Variants in FAM193A observed in about 807,000 individuals in gnomAD.
The protein encoded by FAM193A is family with sequence similarity 193 member A, also known as protein FAM193A.
FAM193A carries 22 observed loss-of-function variants against 126.5 expected under a neutral mutation model. The ratio of observed to expected loss-of-function variants is 0.17; its 90% CI spans 0.12 to 0.25. The LOEUF is 0.25. FAM193A is among the 10% of genes least tolerant of loss of function. The probability of loss-of-function intolerance (pLI) is 1.00; values close to 1 mark genes in which losing one functional copy is unlikely to be tolerated. For missense variants in FAM193A, 1,675 were observed against 1,672.8 expected, an observed-to-expected ratio of 1.00 and a Z score of -0.02; for synonymous variants, 761 against 646.8, an observed-to-expected ratio of 1.18 and a Z score of -2.68.
chr4:2,630,730 C>T (rs1375924646), intron 4 of FAM193A, among the ~76,000 whole-genome samples: 2 of 152,230 alleles, frequency 1.3e-5, no homozygotes, highest in Non-Finnish European at 2.9e-5. Flanking sequence ...ATGTCACTTG[C>T]TGTTCCCTAG....
intron 1 of FAM193A, among the ~76,000 whole-genome samples, chr4:2,548,369 C>T (rs1737700167): frequency 6.6e-6 from 1 of 152,080 alleles, no homozygotes; most frequent in Non-Finnish European, 1.5e-5. Flanking sequence ...CCATGCCCGG[C>T]CTACTTTGCC....
In FAM193A at chr4:2,653,532, C is replaced by G. The variant is rs540597654; in HGVS notation, c.1312-4271C>G. On this transcript the variant is annotated intron_variant, in intron 7 of 20. Transcript: ENST00000637812. ...GATCTTGGCTCACTGCAACCTCTGCCTCCTGGGTTCAAGCAATTCTCCTGC... is the reference window on the plus strand; with the variant it reads ...GATCTTGGCTCACTGCAACCTCTGCGTCCTGGGTTCAAGCAATTCTCCTGC... Among the ~76,000 whole-genome samples, 11 of 152,186 alleles carry G rather than the reference C, an allele frequency of 7.2e-5. No homozygotes were observed. The South Asian group carries it at 1.0e-3, about 14-fold the overall frequency.
Position 2,700,342 on chromosome 4 carries a change from G to A in FAM193A, c.4170G>A (p.Glu1390=). ...CCATCACAGAGCAGAAAAGAGAGGA[G>A]AGAAAAGTCAACAGTAATAACAATA... ...LMSITEQKRE[E]RKVNSNNNNK... The change falls in exon 19 of 21, where the codon GAG becomes GAA. Residue 1390 remains glutamate (E), a synonymous_variant. Coordinates refer to ENST00000637812, the MANE Select transcript of FAM193A (RefSeq NM_001366318.2). The A allele has an allele frequency of 1.2e-6, 2 of 1,614,046 alleles. No homozygotes were observed. Among genetic ancestry groups the A allele is most frequent in the Non-Finnish European group, 1.7e-6 (2 of 1,180,014 alleles).
intron 1 of FAM193A, among the ~76,000 whole-genome samples, chr4:2,591,324 G>A (rs543978163): frequency 6.6e-6 from 1 of 152,144 alleles, no homozygotes; most frequent in Non-Finnish European, 1.5e-5. Flanking sequence ...CTGACCAAGG[G>A]CCTGGTGTAT....
intron 1 of FAM193A, among the ~76,000 whole-genome samples, chr4:2,558,469 A>G (rs1013108303): frequency 1.3e-5 from 2 of 151,910 alleles, no homozygotes; most frequent in African/African-American, 4.8e-5. Context: ...GCAGCCTCCA[A>G]CTCCTAGGCT....
At chr4:2,714,946 C>T (rs1719383819) in intron 19 of FAM193A, among the ~76,000 whole-genome samples, 1 of 152,116 alleles carries the variant, frequency 6.6e-6, no homozygotes, top group African/African-American at 2.4e-5. Context: ...CTGCTGGACC[C>T]TCTTTGATAC....
rs1000948273 is a variant in FAM193A at position 2,679,793 on chromosome 4, A to G, written c.2331+7421A>G. ...GAAACTTTGAGAAAGATTGGTATTA[A>G]TTCTTTAAATATTTGGTAGAATTGA... is the stretch of plus-strand genomic sequence containing the variant. On this transcript the variant is annotated intron_variant, in intron 13 of 20. Coordinates refer to ENST00000637812, the MANE Select transcript of FAM193A (RefSeq NM_001366318.2). Among the ~76,000 whole-genome samples the G allele has an allele frequency of 2.0e-5, 3 of 151,746 alleles. No individual in the cohort carries two copies. In the East Asian group the frequency reaches 5.8e-4, roughly 29 times the overall value.
rs1560591857 is a variant in FAM193A, at chr4:2,703,878, A to C, written c.4372+3334A>C. 2.0e-5 allele frequency among the ~76,000 whole-genome samples: 3 copies of C among 151,230 alleles called. 1 individual carries two copies. Among genetic ancestry groups the C allele is most frequent in the Admixed American group, 2.0e-4 (3 of 15,188 alleles). ...TCCCAGCTACTTGGGAGGCTGAGGC[A>C]GGAGAATCGCTGGAGCCCAGGAGTT... is the stretch of plus-strand genomic sequence containing the variant. On this transcript the variant is annotated intron_variant, in intron 19 of 20. Coordinates refer to ENST00000637812, the MANE Select transcript of FAM193A (RefSeq NM_001366318.2).
At chr4:2,580,104 A>G (rs1038457239) in intron 1 of FAM193A, among the ~76,000 whole-genome samples, 2 of 152,198 alleles carry the variant, frequency 1.3e-5, no homozygotes, top group African/African-American at 4.8e-5. Context: ...ATGCAGCCAT[A>G]AAAAAGAATG....
At chr4:2,538,141 A>C (rs1424776443) in intron 1 of FAM193A, among the ~76,000 whole-genome samples, 1 of 152,196 alleles carries the variant, frequency 6.6e-6, no homozygotes, top group Non-Finnish European at 1.5e-5. Context: ...TATTGCAATT[A>C]AAAAATGAAA....
intron 5 of FAM193A, among the ~76,000 whole-genome samples, chr4:2,638,113 C>T (rs898494770): frequency 1.3e-5 from 2 of 152,354 alleles, no homozygotes; most frequent in African/African-American, 4.8e-5. Context: ...GGCAAAGCCT[C>T]AGCTCTTCCA....
intron 13 of FAM193A, among the ~76,000 whole-genome samples, chr4:2,676,835 G>A (rs913519168): frequency 6.6e-6 from 1 of 152,122 alleles, no homozygotes; most frequent in Non-Finnish European, 1.5e-5. Context: ...CAGCTACTCG[G>A]GAGGCTGAGG....
intron 1 of FAM193A, among the ~76,000 whole-genome samples, chr4:2,578,798 C>G (rs1560456614): frequency 2.0e-5 from 3 of 152,012 alleles, no homozygotes; most frequent in East Asian, 1.9e-4. Flanking sequence ...GTTATATTTA[C>G]TATTTATTAA....
intron 1 of FAM193A, among the ~76,000 whole-genome samples, chr4:2,547,604 CTGTGTGTG>C (rs34348453): frequency 1.4e-5 from 2 of 144,870 alleles, no homozygotes; most frequent in Admixed American, 6.9e-5. Flanking sequence ...GTGTGTGTGT[CTGTGTGTG>C]TGTGTGTGTG....
chr4:2,563,563 C>G (rs1361309795), intron 1 of FAM193A, among the ~76,000 whole-genome samples: 1 of 151,128 alleles, frequency 6.6e-6, no homozygotes, highest in Admixed American at 6.6e-5. Flanking sequence ...AAAACCAAAA[C>G]AAGTAGTCTT....
chr4:2,567,967 C>CATGGCTT (rs1739066786), intron 1 of FAM193A, among the ~76,000 whole-genome samples: 3 of 152,218 alleles, frequency 2.0e-5, no homozygotes, highest in African/African-American at 7.2e-5. Flanking sequence ...CTGTTGGGGT[C>CATGGCTT]ATGGCTTCTG....
chr4:2,686,187 C>G (rs1218498530), intron 13 of FAM193A, among the ~76,000 whole-genome samples: 2 of 152,186 alleles, frequency 1.3e-5, no homozygotes, highest in Non-Finnish European at 2.9e-5. Flanking sequence ...TTACTGATCC[C>G]TGTTACTTTT....
intron 17 of FAM193A, 163 bp downstream of exon 17, chr4:2,695,292 T>C (rs1387295982): frequency 1.7e-6 from 1 of 605,588 alleles, no homozygotes; most frequent in African/African-American, 1.9e-5. Flanking sequence ...TTAGCCATAA[T>C]GATTTTTTTT....
At chr4:2,539,714 G>GT (rs1269236477) in intron 1 of FAM193A, among the ~76,000 whole-genome samples, 1 of 152,028 alleles carries the variant, frequency 6.6e-6, no homozygotes, top group Non-Finnish European at 1.5e-5. Context: ...GCCTATCAAG[G>GT]TTTTTGACCA....
Sources: allele counts gnomAD v4.1 joint callset (sites outside exome capture counted in the v4.1 genomes callset), GRCh38; gene constraint gnomAD v4.1.1; transcripts MANE v1.5; gene names NCBI Gene and HGNC (gene_info 2026-07-23, HGNC 2026-07-21).